Variants in LPIN2 observed in about 807,000 individuals in gnomAD.
The protein encoded by LPIN2 is phosphatidate phosphatase LPIN2.
LPIN2 carries 55 observed loss-of-function variants against 111.4 expected under a neutral mutation model. That is an observed-to-expected ratio of 0.49 (90% CI 0.40 to 0.62). LPIN2 has a LOEUF of 0.62. Ranked by LOEUF, LPIN2 falls within the 20% of genes least tolerant of loss-of-function variation. The pLI is 0.00. For missense variants in LPIN2, 992 were observed against 1,112.1 expected (o/e 0.89, Z 1.54); for synonymous variants, 425 against 414.0 (o/e 1.03, Z -0.32).
intron 1 of LPIN2, among the ~76,000 whole-genome samples, chr18:2,980,505 T>C (rs948023756): frequency 1.3e-5 from 2 of 152,200 alleles, no homozygotes; most frequent in African/African-American, 4.8e-5. Flanking sequence ...CTTAGCATGA[T>C]GCACGCTGCC....
intron 2 of LPIN2, among the ~76,000 whole-genome samples, chr18:2,955,095 G>T (rs891443903): frequency 6.6e-6 from 1 of 152,104 alleles, no homozygotes; most frequent in Non-Finnish European, 1.5e-5. Context: ...TGATGATGGC[G>T]GTTCCATTTT....
At chr18:2,921,809 G>A (rs1170698814) in intron 17 of LPIN2, 162 bp from the exon 18 acceptor site, 1 of 763,076 alleles carries the variant, frequency 1.3e-6, no homozygotes, top group Non-Finnish European at 2.2e-6. Context: ...AAGAAAATTT[G>A]AGTGATGAAG....
rs1027045294 is a variant in LPIN2, at chr18:2,945,865, C to T, written c.591-5153G>A. On this transcript the variant is annotated intron_variant, in intron 4 of 19. Coordinates refer to ENST00000677752, the MANE Select transcript of LPIN2 (RefSeq NM_001375808.2). ...TGCCAGTCATGTCTACATGGAACAA[C>T]TTTTTTCCCAGCATCTTTTTTAGTC... The T allele has an allele frequency of 7.1e-5, 105 of 1,476,122 alleles. No homozygotes were observed. The Admixed American group carries it at 7.5e-4, about 11-fold the overall frequency. 91.4% of individuals were successfully genotyped at this position (1,476,122 alleles called of 1,614,324 possible). A position where few individuals can be genotyped will look rare whatever the true frequency, so the allele number is the denominator to read the frequency against.
intron 1 of LPIN2, among the ~76,000 whole-genome samples, chr18:2,970,826 A>G (rs1357349586): frequency 6.6e-6 from 1 of 152,186 alleles, no homozygotes; most frequent in Admixed American, 6.5e-5. Flanking sequence ...TTAAATTAGG[A>G]TTTTTGGATC....
intron 7 of LPIN2, among the ~76,000 whole-genome samples, chr18:2,935,591 G>GA: frequency 6.6e-6 from 1 of 152,306 alleles, no homozygotes; most frequent in South Asian, 2.1e-4. Context: ...TTTGGCTTGG[G>GA]AAACAGGCCA....
chr18:2,946,564 C>T, intron 4 of LPIN2: 1 of 1,235,364 alleles, frequency 8.1e-7, no homozygotes. Context: ...CAGGCAAGGC[C>T]CAAACACCGG....
chr18:3,005,351 C>CAAA (rs111680053), intron 1 of LPIN2, among the ~76,000 whole-genome samples: 1 of 129,836 alleles, frequency 7.7e-6, no homozygotes, highest in Non-Finnish European at 1.7e-5. Flanking sequence ...GACTCCGTCT[C>CAAA]AAAAAAAAAA....
Position 2,920,795 on chromosome 18 carries a change from G to A in LPIN2, c.2529C>T (p.Thr843=). The A allele has an allele frequency of 6.2e-7, 1 of 1,613,790 alleles. No homozygotes were observed. The highest frequency in any genetic ancestry group is 8.5e-7 in the Non-Finnish European group (1 of 1,179,692). Residue 843 remains threonine (T), a synonymous_variant, in exon 19 of 20, where the codon ACC becomes ACT. Transcript: ENST00000677752. ...GTACTTACGATGACTTGTTTCCTTTGGTTCTTTCTTGTATTAATTCACCCT... is the reference window on the plus strand; with the variant it reads ...GTACTTACGATGACTTGTTTCCTTTAGTTCTTTCTTGTATTAATTCACCCT... The part of the protein sequence containing the change: ...NPKGELIQER[T]KGNKSSYHRL...
chr18:2,925,271 T>C lies in LPIN2; in HGVS notation c.1891A>G (p.Ser631Gly). Residue 631 changes from serine to glycine, a missense_variant, in exon 14 of 20, where the codon AGC (serine) becomes GGC (glycine). Transcript: ENST00000677752. This position sits in a 1 kb window ranked among gnomAD's most constrained non-coding sequence, Gnocchi z 4.1. ...PIPTEPLSHG[S>G]TTSYKKSLRL... ...AGAGACTTCTTATATGAAGTTGTGC[T>C]GCCGTGGCTCAGGGGCTCTGTGGGG... is the stretch of plus-strand genomic sequence containing the variant. The C allele has an allele frequency of 1.2e-6, 2 of 1,614,208 alleles. No homozygotes were observed. The highest frequency in any genetic ancestry group is 1.7e-6 in the Non-Finnish European group (2 of 1,180,040).
intron 17 of LPIN2, 175 bp from the exon 18 acceptor site, chr18:2,921,822 T>C (rs141337765): frequency 1.9e-5 from 15 of 773,450 alleles, no homozygotes; most frequent in African/African-American, 1.9e-4. Context: ...TGATGAAGTT[T>C]AGGGAAGGAG....
chr18:2,955,277 G>A (rs912696128), intron 2 of LPIN2, among the ~76,000 whole-genome samples: 17 of 152,136 alleles, frequency 1.1e-4, no homozygotes, highest in Admixed American at 2.6e-4. Context: ...GTACAAGCAC[G>A]GCGTTGGCAT....
chr18:2,943,429 C>T (rs1429874607), intron 4 of LPIN2, among the ~76,000 whole-genome samples: 4 of 142,150 alleles, frequency 2.8e-5, no homozygotes, highest in Non-Finnish European at 3.2e-5. Flanking sequence ...ATAAAAGCTG[C>T]GTGTGTGTGT....
intron 1 of LPIN2, among the ~76,000 whole-genome samples, chr18:2,961,218 G>A (rs1163428551): frequency 2.0e-5 from 3 of 152,092 alleles, no homozygotes; most frequent in East Asian, 1.9e-4. Flanking sequence ...TGGAACCTGC[G>A]GCTACTGCAT....
Position 2,917,008 on chromosome 18 carries a change from T to C in LPIN2, c.*3285A>G, listed in dbSNP as rs1232732047. 2 of 152,260 alleles carry C rather than the reference T, an allele frequency of 1.3e-5. No individual in the cohort carries two copies. The highest frequency in any genetic ancestry group is 2.9e-5 in the Non-Finnish European group (2 of 68,044). 9.4% of individuals were successfully genotyped at this position (152,260 alleles called of 1,614,324 possible). The stretch of plus-strand genomic sequence containing the variant: ...AGCCAAATGCATTCAGTTTATGTTA[T>C]GTTCGTTTATTGTTGTAACATTTTG... On this transcript the variant is annotated 3_prime_UTR_variant, in exon 20 of 20. Coordinates refer to ENST00000677752, the MANE Select transcript of LPIN2 (RefSeq NM_001375808.2).
At chr18:3,012,324 G>A (rs2078617736) in intron 1 of LPIN2, among the ~76,000 whole-genome samples, 1 of 152,234 alleles carries the variant, frequency 6.6e-6, no homozygotes, top group Non-Finnish European at 1.5e-5. Context: ...GTACTGGTTT[G>A]CATAATTATG....
rs2077035975 is a variant in LPIN2 at position 2,920,380 on chromosome 18, C to T, written c.2604G>A (p.Gln868=). The T allele has an allele frequency of 6.2e-7, 1 of 1,613,976 alleles. No homozygotes were observed. The highest frequency in any genetic ancestry group is 1.7e-5 in the Admixed American group (1 of 60,006). ...EHVFPLLSKE[Q]NSAFPCPEFS... ...ACTCCGGGCAGGGAAAAGCGGAATT[C>T]TGCTCCTTACTGAGAAGGGGGAACA... The change falls in exon 20 of 20, where the codon CAG becomes CAA. Residue 868 remains glutamine, a synonymous_variant. Coordinates refer to ENST00000677752, the MANE Select transcript of LPIN2 (RefSeq NM_001375808.2).
chr18:3,005,744 G>A (rs973726694), intron 1 of LPIN2, among the ~76,000 whole-genome samples: 5 of 150,392 alleles, frequency 3.3e-5, no homozygotes, highest in East Asian at 2.0e-4. Context: ...TAACAACAAC[G>A]GCCAGGTGTG....
At chr18:3,000,056 A>AGG (rs1491118608) in intron 1 of LPIN2, among the ~76,000 whole-genome samples, 50 of 147,062 alleles carry the variant, frequency 3.4e-4, no homozygotes, top group East Asian at 4.1e-4. Context: ...TAAAAAGAAG[A>AGG]AGAGGAGGAG....
chr18:2,923,598 G>C (rs537828366), intron 16 of LPIN2, among the ~76,000 whole-genome samples, 177 bp downstream of exon 16: 1 of 152,230 alleles, frequency 6.6e-6, no homozygotes, highest in East Asian at 1.9e-4. Flanking sequence ...CAGGTTCGAT[G>C]CCAATGCCAG....
Sources: gnomAD v4.1 joint callset for allele counts (sites outside exome capture counted in the v4.1 genomes callset) on GRCh38, gnomAD v4.1.1 for gene constraint, Gnocchi (gnomAD v3.1) non-coding constraint, MANE v1.5 for transcripts, NCBI Gene and HGNC (gene_info 2026-07-23, HGNC 2026-07-21) for gene names.